Variants in LOXHD1 observed in about 807,000 individuals in gnomAD.
LOXHD1 encodes lipoxygenase homology domain-containing protein 1.
A neutral mutation model predicts 248.2 loss-of-function variants in LOXHD1; 205 were observed. The observed-to-expected ratio is 0.83, with a 90% CI of 0.74 to 0.93. The LOEUF is 0.93. LOXHD1 is among the 40% of genes least tolerant of loss of function. The pLI is 0.00. For synonymous variants in LOXHD1, 1,113 were observed against 1,162.8 expected, an observed-to-expected ratio of 0.96 and a Z score of 0.87; for missense variants, 2,930 against 2,971.6, an observed-to-expected ratio of 0.99 and a Z score of 0.33.
intron 13 of LOXHD1, among the ~76,000 whole-genome samples, chr18:46,579,102 T>G (rs371947481): frequency 6.6e-6 from 1 of 152,282 alleles, no homozygotes; most frequent in East Asian, 1.9e-4. Context: ...TTCCTAAAGG[T>G]CATGAACAAG....
intron 38 of LOXHD1, 78 bp downstream of exon 38, chr18:46,488,894 C>G (rs1326387201): frequency 6.8e-7 from 1 of 1,469,192 alleles, no homozygotes; most frequent in African/African-American, 1.4e-5. Context: ...ACCTGACCCC[C>G]CTCCAGCTGG....
chr18:46,562,960 C>A, intron 18 of LOXHD1, 105 bp downstream of exon 18: 1 of 1,325,330 alleles, frequency 7.5e-7, no homozygotes, highest in Admixed American at 2.3e-5. Context: ...AGGGAGGCAG[C>A]CCATTCTCGG....
At position 46,560,321 on chromosome 18, in the gene LOXHD1, C is replaced by A. The variant is rs1249095738; in HGVS notation, c.2823G>T (p.Lys941Asn). The change falls in exon 19 of 41, where the codon AAG becomes AAT. Residue 941 changes from lysine to asparagine, a missense_variant. Lys to Asn is a moderately conservative substitution (Grantham distance 94, BLOSUM62 0). Transcript: ENST00000642948. ...RLKAKLQRKK[K>N]KRKGSDEEDE... ...CCTCTTCGTCGCTGCCCTTCCTCTT[C>A]TTCTTCTTCCTCTGCAGCTTGGCCT... The A allele has an allele frequency of 6.4e-7, 1 of 1,551,996 alleles. No individual in the cohort carries two copies. Among genetic ancestry groups the A allele is most frequent in the Non-Finnish European group, 8.7e-7 (1 of 1,147,106 alleles).
intron 4 of LOXHD1, among the ~76,000 whole-genome samples, chr18:46,628,079 C>A (rs1026782768): frequency 1.5e-4 from 23 of 152,320 alleles, no homozygotes; most frequent in Admixed American, 6.5e-4. Flanking sequence ...GAGCTGGCAC[C>A]AAAAGCCCAA....
At chr18:46,561,357 T>C (rs532111249) in intron 18 of LOXHD1, among the ~76,000 whole-genome samples, 14 of 152,166 alleles carry the variant, frequency 9.2e-5, no homozygotes, top group Non-Finnish European at 1.8e-4. Context: ...GCAGTGTTGA[T>C]GGCATCATCG....
chr18:46,526,433 T>C (rs1392412084), intron 29 of LOXHD1, among the ~76,000 whole-genome samples: 3 of 152,252 alleles, frequency 2.0e-5, no homozygotes, highest in African/African-American at 7.2e-5. Context: ...TTATATAGCA[T>C]GATGCCTTTT....
At chr18:46,528,005 G>A (rs1042552277) in intron 29 of LOXHD1, among the ~76,000 whole-genome samples, 1 of 152,122 alleles carries the variant, frequency 6.6e-6, no homozygotes, top group Admixed American at 6.5e-5. Flanking sequence ...TGACTCACGG[G>A]GTCACCAGCC....
chr18:46,560,086 C>T lies in LOXHD1; in HGVS notation c.3058G>A (p.Glu1020Lys), dbSNP rs751626035. ...ELVPAGKPGP[E>K]RNTYEVQVVT... ...CCACCCCCCACGACCCACTTACGCT[C>T]AGGACCCGGCTTGCCAGCTGGCACC... Residue 1020 changes from glutamate to lysine, a missense_variant, in exon 19 of 41, where the codon GAG becomes AAG. Transcript: ENST00000642948. 3.4e-6 allele frequency: 5 copies of T among 1,468,102 alleles called. No individual in the cohort carries two copies. Among genetic ancestry groups the T allele is most frequent in the African/African-American group, 1.4e-5 (1 of 70,404 alleles). The allele number at this position is 1,468,102 out of a possible 1,614,324, so 90.9% of individuals were successfully genotyped here.
chr18:46,494,338 T>G (rs1442678503), intron 37 of LOXHD1, among the ~76,000 whole-genome samples: 1 of 152,218 alleles, frequency 6.6e-6, no homozygotes, highest in Non-Finnish European at 1.5e-5. Flanking sequence ...TAAAGTGAAC[T>G]GTCAATTCTT....
At chr18:46,616,471 C>T (rs1340841422) in intron 5 of LOXHD1, among the ~76,000 whole-genome samples, 1 of 152,190 alleles carries the variant, frequency 6.6e-6, no homozygotes, top group Non-Finnish European at 1.5e-5. Context: ...TTGAGGTCCA[C>T]ATTTCTTCAT....
chr18:46,539,446 G>A (rs1048651396), intron 25 of LOXHD1, among the ~76,000 whole-genome samples: 2 of 146,640 alleles, frequency 1.4e-5, no homozygotes, highest in Admixed American at 7.0e-5. Context: ...GGGTAACAGA[G>A]TGAGACTCTC....
intron 34 of LOXHD1, among the ~76,000 whole-genome samples, chr18:46,515,365 G>A (rs1165399883): frequency 6.6e-6 from 1 of 152,072 alleles, no homozygotes; most frequent in Non-Finnish European, 1.5e-5. Context: ...CAGGCCACAT[G>A]CAAATGAAAA....
At chr18:46,629,018 C>A (rs923094711) in intron 4 of LOXHD1, among the ~76,000 whole-genome samples, 1 of 152,148 alleles carries the variant, frequency 6.6e-6, no homozygotes, top group Non-Finnish European at 1.5e-5. Context: ...TGAAATAGGG[C>A]AGAAAGATCC....
chr18:46,583,431 C>A lies in LOXHD1; in HGVS notation c.1655-3647G>T, dbSNP rs138790124. Among the ~76,000 whole-genome samples the A allele has an allele frequency of 2.0e-5, 3 of 152,100 alleles. No individual in the cohort carries two copies. The East Asian group carries it at 5.8e-4, about 29-fold the overall frequency. ...AAATATTTGCAAATTATACATCTGACAAGGGGTTAATATTTAGAATATATA... is the reference window on the plus strand; with the variant it reads ...AAATATTTGCAAATTATACATCTGAAAAGGGGTTAATATTTAGAATATATA... On this transcript the variant is annotated intron_variant, in intron 12 of 40. Transcript: ENST00000642948.
intron 5 of LOXHD1, among the ~76,000 whole-genome samples, chr18:46,616,389 G>A (rs889396253): frequency 6.6e-6 from 1 of 152,138 alleles, no homozygotes; most frequent in Non-Finnish European, 1.5e-5. Context: ...GAGATCAGCA[G>A]GGGCCAAGAC....
Position 46,533,145 on chromosome 18 carries a change from G to A in LOXHD1, c.4375+17C>T, listed in dbSNP as rs913297989. ...GGAGCCTTCCCATGGTGATGAGGGT[G>A]GCCACACCACACTTACTGTCCAGAG... On this transcript the variant is annotated intron_variant, in intron 28 of 40. Transcript: ENST00000642948. The A allele has an allele frequency of 2.0e-5, 31 of 1,551,158 alleles. No individual in the cohort carries two copies. Among genetic ancestry groups the A allele is most frequent in the Non-Finnish European group, 2.6e-5 (30 of 1,146,796 alleles).
At chr18:46,637,095 G>A (rs545652033) in intron 4 of LOXHD1, among the ~76,000 whole-genome samples, 13 of 152,298 alleles carry the variant, frequency 8.5e-5, no homozygotes, top group African/African-American at 2.6e-4. Flanking sequence ...GAAGTGAGCC[G>A]AGATCGTGCC....
intron 1 of LOXHD1, among the ~76,000 whole-genome samples, chr18:46,653,116 G>A (rs754825493): frequency 2.3e-4 from 35 of 152,108 alleles, no homozygotes; most frequent in Non-Finnish European, 4.9e-4. Flanking sequence ...GCGTGGTGGC[G>A]CACACCTGTA....
At chr18:46,496,742 C>T (rs762666133) in intron 37 of LOXHD1, among the ~76,000 whole-genome samples, 6 of 152,216 alleles carry the variant, frequency 3.9e-5, no homozygotes, top group African/African-American at 1.4e-4. Flanking sequence ...GTGGCTTATG[C>T]CTGTAATCCC....
Sources: allele counts gnomAD v4.1 joint callset (sites outside exome capture counted in the v4.1 genomes callset), GRCh38; gene constraint gnomAD v4.1.1; transcripts MANE v1.5; gene names NCBI Gene and HGNC (gene_info 2026-07-23, HGNC 2026-07-21).